The following DPF3 variants were observed in gnomAD, a reference collection of about 807,000 sequenced individuals.
DPF3 encodes double PHD fingers 3.
In DPF3, 18 loss-of-function variants were observed where a neutral mutation model predicts 56.8. The ratio of observed to expected loss-of-function variants is 0.32; its 90% CI spans 0.22 to 0.47. DPF3 has a LOEUF of 0.47. Among genes scored for constraint, DPF3 ranks in the 20% least tolerant of loss-of-function variants. DPF3 has a pLI of 1.00. For missense variants in DPF3, 403 were observed against 488.8 expected (o/e 0.82, Z 1.65); for synonymous variants, 188 against 180.2 (o/e 1.04, Z -0.35).
intron 6 of DPF3, among the ~76,000 whole-genome samples, chr14:72,701,266 G>A (rs1888148359): frequency 6.6e-6 from 1 of 152,178 alleles, no homozygotes; most frequent in Non-Finnish European, 1.5e-5. Context: ...TTTCACCTTG[G>A]CAAGCGTGCA....
intron 4 of DPF3, among the ~76,000 whole-genome samples, chr14:72,727,052 G>A (rs1889436411): frequency 6.6e-6 from 1 of 152,120 alleles, no homozygotes; most frequent in Non-Finnish European, 1.5e-5. Flanking sequence ...GGAACCAAAA[G>A]CCACTTCCCT....
chr14:72,736,876 C>T (rs1360582451), intron 3 of DPF3, among the ~76,000 whole-genome samples: 1 of 152,124 alleles, frequency 6.6e-6, no homozygotes, highest in Admixed American at 6.5e-5. Flanking sequence ...AAAACACACA[C>T]ATAATTCATC....
In DPF3 at chr14:72,878,764, G is replaced by A. The variant is rs542756134; in HGVS notation, c.32+15293C>T. Among the ~76,000 whole-genome samples, 4 of 152,318 alleles carry A rather than the reference G, an allele frequency of 2.6e-5. No homozygotes were observed. The South Asian group carries it at 8.3e-4, about 32-fold the overall frequency. The stretch of plus-strand genomic sequence containing the variant: ...TTTGTCTTTATTTCTCAAGACCAAA[G>A]GGAGAAAGCCAAGCTTTTTAAAGTG... On this transcript the variant is annotated intron_variant, in intron 1 of 10. Coordinates refer to ENST00000556509, the MANE Select transcript of DPF3 (RefSeq NM_001280542.3).
Position 72,814,979 on chromosome 14 carries a change from A to T in DPF3, c.33-43086T>A, listed in dbSNP as rs148638679. Among the ~76,000 whole-genome samples the T allele has an allele frequency of 1.6e-4, 25 of 152,338 alleles. No individual in the cohort carries two copies. In the East Asian group the frequency reaches 4.6e-3, roughly 28 times the overall value. Reference sequence around the variant, plus strand: ...TGAGTCGTAAAGGAAAAAAATTGATACATTGGACTTCACCAACATTTTAAA... The same window carrying T: ...TGAGTCGTAAAGGAAAAAAATTGATTCATTGGACTTCACCAACATTTTAAA... On this transcript the variant is annotated intron_variant, in intron 1 of 10. Transcript: ENST00000556509.
chr14:72,719,734 T>A (rs928957216), intron 5 of DPF3, among the ~76,000 whole-genome samples: 1 of 152,112 alleles, frequency 6.6e-6, no homozygotes, highest in East Asian at 1.9e-4. Flanking sequence ...ATTCCAAGAG[T>A]TATTCCCTTT....
chr14:72,892,723 CG>C, intron 1 of DPF3: 1 of 996,100 alleles, frequency 1.0e-6, no homozygotes, highest in Non-Finnish European at 1.2e-6. Context: ...GCCCCCCACC[CG>C]ACCTGCACCT....
Position 72,615,509 on chromosome 14 carries a change from G to A in DPF3, c.*3788C>T, listed in dbSNP as rs1884039998. On this transcript the variant is annotated 3_prime_UTR_variant, in exon 11 of 11. Transcript: ENST00000556509. ...CACCAGGAGTGTGCAACCCTCCAGG[G>A]TATCATGAAACCATCACTGTGAAAC... Among the ~76,000 whole-genome samples, 1 of 152,216 alleles carries A rather than the reference G, an allele frequency of 6.6e-6. No individual in the cohort carries two copies. Among genetic ancestry groups the A allele is most frequent in the Admixed American group, 6.5e-5 (1 of 15,288 alleles).
At chr14:72,893,362 C>G (rs1411237844) in intron 1 of DPF3, among the ~76,000 whole-genome samples, 1 of 152,192 alleles carries the variant, frequency 6.6e-6, no homozygotes, top group Non-Finnish European at 1.5e-5. Flanking sequence ...CGCAAATACA[C>G]GAGCAGACAC....
intron 1 of DPF3, among the ~76,000 whole-genome samples, chr14:72,799,685 G>A (rs1240997397): frequency 2.6e-5 from 4 of 152,032 alleles, no homozygotes; most frequent in South Asian, 2.1e-4. Context: ...TTAGTGATCC[G>A]TTCAAGAGTG....
At chr14:72,656,334 G>A (rs1277510406) in intron 8 of DPF3, among the ~76,000 whole-genome samples, 4 of 152,150 alleles carry the variant, frequency 2.6e-5, no homozygotes, top group Non-Finnish European at 4.4e-5. Flanking sequence ...TGGTTATCAT[G>A]CTTTCTTAAA....
intron 7 of DPF3, among the ~76,000 whole-genome samples, chr14:72,685,875 C>A (rs887514900): frequency 1.3e-5 from 2 of 152,178 alleles, no homozygotes; most frequent in Non-Finnish European, 2.9e-5. Flanking sequence ...ACACGTGGAG[C>A]CCCAATCCTA....
chr14:72,743,649 G>T (rs555246552), intron 3 of DPF3, among the ~76,000 whole-genome samples: 1 of 151,238 alleles, frequency 6.6e-6, no homozygotes, highest in African/African-American at 2.4e-5. Flanking sequence ...GAAGTTAAAG[G>T]CCTCTTTTTT....
At chr14:72,811,828 C>A (rs1883057759) in intron 1 of DPF3, among the ~76,000 whole-genome samples, 1 of 152,096 alleles carries the variant, frequency 6.6e-6, no homozygotes, top group South Asian at 2.1e-4. Context: ...GAAGGGCAAG[C>A]TGTAGGTTAC....
intron 7 of DPF3, among the ~76,000 whole-genome samples, chr14:72,676,454 G>A (rs890676187): frequency 6.6e-6 from 1 of 152,300 alleles, no homozygotes; most frequent in South Asian, 2.1e-4. Context: ...TGACGTATGA[G>A]GATGAGTAAG....
At chr14:72,766,388 G>T (rs146947098) in intron 2 of DPF3, among the ~76,000 whole-genome samples, 1 of 152,116 alleles carries the variant, frequency 6.6e-6, no homozygotes, top group East Asian at 1.9e-4. Context: ...CAACAGGGTG[G>T]GTGGTGAGCT....
At chr14:72,631,925 G>A (rs1271079327) in intron 8 of DPF3, among the ~76,000 whole-genome samples, 1 of 152,236 alleles carries the variant, frequency 6.6e-6, no homozygotes, top group Non-Finnish European at 1.5e-5. Context: ...TGTCAGATGA[G>A]ACGTTAGCTA....
intron 1 of DPF3, chr14:72,879,802 A>T: frequency 6.5e-7 from 1 of 1,534,050 alleles, no homozygotes; most frequent in Non-Finnish European, 8.7e-7. Context: ...TGAGGTTCTT[A>T]CCCTAGAGCC....
At chr14:72,640,046 TAAAAAAAAAAAAAAA>T (rs370070354) in intron 8 of DPF3, among the ~76,000 whole-genome samples, 559 of 45,286 alleles carry the variant, frequency 0.012, 10 homozygotes, top group Middle Eastern at 0.029. Context: ...GTTTTCTAAG[TAAAAAAAAAAAAAAA>T]AAAAAAAAAA....
chr14:72,854,623 G>A (rs550097590), intron 1 of DPF3, among the ~76,000 whole-genome samples: 1 of 152,294 alleles, frequency 6.6e-6, no homozygotes, highest in African/African-American at 2.4e-5. Flanking sequence ...TTTTTCTCAT[G>A]AATATAGCTA....
Sources: gnomAD v4.1 joint callset for allele counts (sites outside exome capture counted in the v4.1 genomes callset) on GRCh38, gnomAD v4.1.1 for gene constraint, MANE v1.5 for transcripts, NCBI Gene and HGNC (gene_info 2026-07-23, HGNC 2026-07-21) for gene names.